The following DOK6 variants were observed in gnomAD, a reference collection of about 807,000 sequenced individuals.
The protein encoded by DOK6 is downstream of tyrosine kinase 6.
DOK6 carries 22 observed loss-of-function variants against 44.0 expected under a neutral mutation model. The ratio of observed to expected loss-of-function variants is 0.50; its 90% CI spans 0.36 to 0.71. The LOEUF (loss-of-function observed/expected upper bound fraction) is 0.71. Ranked by LOEUF, DOK6 falls within the 30% of genes least tolerant of loss-of-function variation. The pLI, the probability that DOK6 is intolerant of heterozygous loss-of-function variation, is 0.00. For synonymous variants in DOK6, 166 were observed against 145.5 expected, an observed-to-expected ratio of 1.14 and a Z score of -1.01; for missense variants, 340 against 416.4, an observed-to-expected ratio of 0.82 and a Z score of 1.60.
intron 4 of DOK6, among the ~76,000 whole-genome samples, chr18:69,679,789 T>G (rs2074098471): frequency 6.6e-6 from 1 of 152,230 alleles, no homozygotes; most frequent in Non-Finnish European, 1.5e-5. Context: ...CTTCTTTGGT[T>G]TATCATAATT....
At chr18:69,652,399 A>G (rs1336102182) in intron 3 of DOK6, among the ~76,000 whole-genome samples, 2 of 152,230 alleles carry the variant, frequency 1.3e-5, no homozygotes, top group African/African-American at 4.8e-5. Flanking sequence ...TTCCTTTTAC[A>G]AAGAGTGTGA....
chr18:69,556,085 A>T (rs927883296), intron 1 of DOK6, among the ~76,000 whole-genome samples: 1 of 152,134 alleles, frequency 6.6e-6, no homozygotes, highest in Non-Finnish European at 1.5e-5. Context: ...ATATAGTTAC[A>T]TCAGTTTCTT....
At chr18:69,600,771 A>G (rs577578809) in intron 3 of DOK6, among the ~76,000 whole-genome samples, 57 of 152,356 alleles carry the variant, frequency 3.7e-4, no homozygotes, top group African/African-American at 1.3e-3. Flanking sequence ...TTGAATGTAT[A>G]GGAAATACTG....
chr18:69,488,387 C>T (rs1393623761), intron 1 of DOK6, among the ~76,000 whole-genome samples: 2 of 152,188 alleles, frequency 1.3e-5, no homozygotes, highest in Non-Finnish European at 2.9e-5. Flanking sequence ...CTGCTACCCA[C>T]CATCAATGCT....
chr18:69,832,845 A>G (rs924336012), intron 7 of DOK6: 4 of 152,198 alleles, frequency 2.6e-5, no homozygotes, highest in Admixed American at 6.5e-5. Flanking sequence ...ACCTAAGAAT[A>G]AATTTAACCA....
chr18:69,580,153 CT>C (rs564539053), intron 2 of DOK6, among the ~76,000 whole-genome samples: 1 of 152,092 alleles, frequency 6.6e-6, no homozygotes, highest in Non-Finnish European at 1.5e-5. Context: ...CTGATTCAGA[CT>C]GTTTCAGGGT....
intron 1 of DOK6, among the ~76,000 whole-genome samples, chr18:69,462,675 G>A (rs1305518952): frequency 6.6e-6 from 1 of 152,116 alleles, no homozygotes; most frequent in Non-Finnish European, 1.5e-5. Context: ...TTTTTATACA[G>A]CATTCATGTA....
At chr18:69,673,017 T>C (rs1985841215) in intron 3 of DOK6, among the ~76,000 whole-genome samples, 1 of 152,196 alleles carries the variant, frequency 6.6e-6, no homozygotes, top group Admixed American at 6.5e-5. Context: ...ATTAAGAATT[T>C]CTGCTTATGC....
At chr18:69,772,240 C>T (rs1979909864) in intron 7 of DOK6, among the ~76,000 whole-genome samples, 2 of 151,840 alleles carry the variant, frequency 1.3e-5, no homozygotes. Flanking sequence ...GGAAAGACAT[C>T]TTGTATTCAC....
intron 5 of DOK6, among the ~76,000 whole-genome samples, chr18:69,727,194 G>GA (rs1978313858): frequency 6.6e-6 from 1 of 152,064 alleles, no homozygotes; most frequent in Non-Finnish European, 1.5e-5. Flanking sequence ...TCCCATTCAT[G>GA]AGAGCTCTGC....
At chr18:69,444,644 CTTT>C (rs200365790) in intron 1 of DOK6, among the ~76,000 whole-genome samples, 151 of 132,742 alleles carry the variant, frequency 1.1e-3, no homozygotes, top group South Asian at 3.6e-3. Context: ...TAAAATCAAC[CTTT>C]TTTTTTTTTT....
At chr18:69,496,852 C>A (rs1306833211) in intron 1 of DOK6, among the ~76,000 whole-genome samples, 1 of 152,158 alleles carries the variant, frequency 6.6e-6, no homozygotes, top group Non-Finnish European at 1.5e-5. Flanking sequence ...AGAACTCATT[C>A]TGTGGCACAG....
intron 1 of DOK6, among the ~76,000 whole-genome samples, chr18:69,413,394 G>A (rs1402508308): frequency 6.6e-6 from 1 of 152,030 alleles, no homozygotes; most frequent in Admixed American, 6.6e-5. Flanking sequence ...GGATTTGTAG[G>A]AGCTTTGATA....
intron 1 of DOK6, among the ~76,000 whole-genome samples, chr18:69,500,852 C>T (rs1017107291): frequency 6.6e-6 from 1 of 152,068 alleles, no homozygotes; most frequent in Non-Finnish European, 1.5e-5. Context: ...AGTGATCTAA[C>T]TACTTTGTTT....
intron 1 of DOK6, among the ~76,000 whole-genome samples, chr18:69,551,087 G>GA (rs927335965): frequency 1.3e-5 from 2 of 151,850 alleles, no homozygotes; most frequent in Non-Finnish European, 1.5e-5. Context: ...CAGTAGAAAG[G>GA]AAAAAAACAT....
intron 7 of DOK6, 121 bp from the exon 8 acceptor site, chr18:69,841,122 CT>C: frequency 1.6e-6 from 2 of 1,278,744 alleles, no homozygotes; most frequent in Non-Finnish European, 2.2e-6. Flanking sequence ...GATGTGAAAG[CT>C]GCTGCCTTGT....
chr18:69,641,044 C>T (rs987400480), intron 3 of DOK6, among the ~76,000 whole-genome samples: 2 of 151,814 alleles, frequency 1.3e-5, no homozygotes, highest in African/African-American at 2.4e-5. Context: ...AGTAAAACCA[C>T]GTCTCTACTA....
intron 3 of DOK6, among the ~76,000 whole-genome samples, chr18:69,658,878 G>A (rs1351297652): frequency 6.6e-6 from 1 of 152,146 alleles, no homozygotes; most frequent in East Asian, 1.9e-4. Context: ...ATAAAAGTAA[G>A]CCTGCACATA....
At chr18:69,682,180 C>G (rs1470957169) in intron 4 of DOK6, among the ~76,000 whole-genome samples, 2 of 152,156 alleles carry the variant, frequency 1.3e-5, no homozygotes, top group African/African-American at 4.8e-5. Context: ...TTCATTCATT[C>G]TGGACTCAAA....
Sources: gnomAD v4.1 joint callset for allele counts (sites outside exome capture counted in the v4.1 genomes callset) on GRCh38, gnomAD v4.1.1 for gene constraint, MANE v1.5 for transcripts, NCBI Gene and HGNC (gene_info 2026-07-23, HGNC 2026-07-21) for gene names.